The following ANKRD55 variants were observed in gnomAD, a reference collection of about 807,000 sequenced individuals.
The protein encoded by ANKRD55 is ankyrin repeat domain 55, also known as ankyrin repeat domain-containing protein 55.
Under a neutral mutation model 60.6 loss-of-function variants are expected in ANKRD55, and 41 were observed. That is an observed-to-expected ratio of 0.68 (90% CI 0.53 to 0.88). The LOEUF is 0.88. ANKRD55 is among the 40% of genes least tolerant of loss of function. The pLI is 0.00. For missense variants in ANKRD55, 732 were observed against 767.6 expected (o/e 0.95, Z 0.55); for synonymous variants, 264 against 290.3 (o/e 0.91, Z 0.92).
At chr5:56,163,721 A>C (rs1032529016) in intron 5 of ANKRD55, among the ~76,000 whole-genome samples, 1 of 152,104 alleles carries the variant, frequency 6.6e-6, no homozygotes, top group Admixed American at 6.6e-5. Context: ...AATAATACCT[A>C]CTTCCTCAGG....
chr5:56,210,950 T>C (rs1581024480), intron 2 of ANKRD55, among the ~76,000 whole-genome samples: 5 of 152,354 alleles, frequency 3.3e-5, no homozygotes, highest in Non-Finnish European at 4.4e-5. Context: ...CAATCATTAT[T>C]GACACTTTAG....
chr5:56,154,600 T>TG (rs1017141954), intron 6 of ANKRD55, among the ~76,000 whole-genome samples: 1 of 151,396 alleles, frequency 6.6e-6, no homozygotes, highest in African/African-American at 2.4e-5. Flanking sequence ...TTTTTTTTTT[T>TG]TTGAGACAGA....
chr5:56,123,806 C>T (rs1221079910), intron 8 of ANKRD55, among the ~76,000 whole-genome samples: 1 of 152,154 alleles, frequency 6.6e-6, no homozygotes, highest in Non-Finnish European at 1.5e-5. Flanking sequence ...CTAATATACT[C>T]ATGTCCTTGG....
At chr5:56,118,255 G>A (rs1191389104) in intron 8 of ANKRD55, among the ~76,000 whole-genome samples, 2 of 152,156 alleles carry the variant, frequency 1.3e-5, no homozygotes, top group Non-Finnish European at 2.9e-5. Flanking sequence ...AAAAAGACAA[G>A]CCATAGGCTG....
At chr5:56,136,166 T>C (rs1189261714) in intron 7 of ANKRD55, among the ~76,000 whole-genome samples, 2 of 152,204 alleles carry the variant, frequency 1.3e-5, no homozygotes, top group African/African-American at 2.4e-5. Context: ...AGACTTAAAA[T>C]TGTTAAGATA....
At chr5:56,146,124 T>G (rs768484340) in intron 6 of ANKRD55, among the ~76,000 whole-genome samples, 52 of 152,196 alleles carry the variant, frequency 3.4e-4, no homozygotes, top group Non-Finnish European at 7.3e-4. Flanking sequence ...ATTGGCTTCA[T>G]CACGAAGTGC....
intron 2 of ANKRD55, among the ~76,000 whole-genome samples, chr5:56,185,539 A>C (rs961295531): frequency 6.8e-6 from 1 of 147,656 alleles, no homozygotes; most frequent in African/African-American, 2.5e-5. Flanking sequence ...CTGGTGGTGC[A>C]TGCCTGTAAT....
chr5:56,136,960 C>A (rs1004196818), intron 7 of ANKRD55: 56 of 523,082 alleles, frequency 1.1e-4, no homozygotes, highest in Non-Finnish European at 1.7e-4. Context: ...CCCTAAGTGG[C>A]CTCAGCTAAT....
At chr5:56,178,248 G>C (rs970500318) in intron 3 of ANKRD55, among the ~76,000 whole-genome samples, 4 of 150,586 alleles carry the variant, frequency 2.7e-5, no homozygotes, top group Admixed American at 2.6e-4. Context: ...GGAGTGCAGT[G>C]GTGTGATCAT....
chr5:56,220,326 G>A (rs1252409830), intron 2 of ANKRD55, among the ~76,000 whole-genome samples: 2 of 152,192 alleles, frequency 1.3e-5, no homozygotes, highest in East Asian at 3.9e-4. Flanking sequence ...GAAGGAAAGG[G>A]ATGCTCAGGT....
intron 6 of ANKRD55, among the ~76,000 whole-genome samples, chr5:56,151,110 G>A (rs1476535736): frequency 6.6e-6 from 1 of 151,940 alleles, no homozygotes; most frequent in Non-Finnish European, 1.5e-5. Context: ...CTCCTGCCTC[G>A]GCCTCCCAAA....
chr5:56,150,614 T>C (rs933076108), intron 6 of ANKRD55, among the ~76,000 whole-genome samples: 1 of 151,820 alleles, frequency 6.6e-6, no homozygotes, highest in Non-Finnish European at 1.5e-5. Flanking sequence ...AATAAATAAA[T>C]AGGCTGGGCG....
At chr5:56,213,640 C>T (rs1027707648) in intron 2 of ANKRD55, among the ~76,000 whole-genome samples, 4 of 152,088 alleles carry the variant, frequency 2.6e-5, no homozygotes, top group African/African-American at 9.7e-5. Flanking sequence ...AGCAAAGAGT[C>T]CAGAAACTTG....
rs183490240 is a variant in ANKRD55 at position 56,110,030 on chromosome 5, G to A, written c.1630+1088C>T. ...TGCACCACTGCACTCTAGCCTGGGCGACAGAGCGAGACTCCGTCTCAAAAA... is the reference window on the plus strand; with the variant it reads ...TGCACCACTGCACTCTAGCCTGGGCAACAGAGCGAGACTCCGTCTCAAAAA... On this transcript the variant is annotated intron_variant, in intron 10 of 11. Coordinates refer to ENST00000341048, the MANE Select transcript of ANKRD55 (RefSeq NM_024669.3). Among the ~76,000 whole-genome samples the A allele has an allele frequency of 6.7e-5, 10 of 148,998 alleles. No individual in the cohort carries two copies. The East Asian group carries it at 9.7e-4, about 14-fold the overall frequency.
chr5:56,162,095 G>T, intron 5 of ANKRD55: 1 of 956,546 alleles, frequency 1.0e-6, no homozygotes, highest in Non-Finnish European at 1.2e-6. Context: ...AGGAGGGAAG[G>T]GCAAGGCAGG....
intron 2 of ANKRD55, among the ~76,000 whole-genome samples, chr5:56,208,982 G>A (rs1759588898): frequency 6.7e-6 from 1 of 150,252 alleles, no homozygotes; most frequent in South Asian, 2.1e-4. Context: ...TTTTGAGTCA[G>A]AGTCTCGCTC....
chr5:56,141,150 T>TTTTA (rs60161958), intron 7 of ANKRD55, among the ~76,000 whole-genome samples: 5 of 146,594 alleles, frequency 3.4e-5, no homozygotes, highest in Admixed American at 2.7e-4. Context: ...TTTTTTTTTT[T>TTTTA]ATATAGAGAT....
In ANKRD55 at chr5:56,131,332, A is replaced by G. The variant is rs546785230; in HGVS notation, c.613-4226T>C. 2.0e-5 allele frequency among the ~76,000 whole-genome samples: 3 copies of G among 152,362 alleles called. No individual in the cohort carries two copies. The South Asian group carries it at 6.2e-4, about 32-fold the overall frequency. ...TGATTTCTCAGAAACCATACAAGCA[A>G]GAAGAGACTGGAGTGAAATACTTAA... is the stretch of plus-strand genomic sequence containing the variant. On this transcript the variant is annotated intron_variant, in intron 7 of 11. Transcript: ENST00000341048.
At chr5:56,190,560 A>G (rs160287) in intron 2 of ANKRD55, among the ~76,000 whole-genome samples, 26,653 of 152,210 alleles carry the variant, frequency 0.18, 2,797 homozygotes, top group East Asian at 0.38. Flanking sequence ...TGTTTTTCCA[A>G]CATCATTCAT....
Sources: gnomAD v4.1 joint callset for allele counts (sites outside exome capture counted in the v4.1 genomes callset) on GRCh38, gnomAD v4.1.1 for gene constraint, MANE v1.5 for transcripts, NCBI Gene and HGNC (gene_info 2026-07-23, HGNC 2026-07-21) for gene names.